The following PDE1A variants were observed in gnomAD, a reference collection of about 807,000 sequenced individuals.
PDE1A encodes the protein dual specificity calcium/calmodulin-dependent 3',5'-cyclic nucleotide phosphodiesterase 1A.
A neutral mutation model predicts 61.7 loss-of-function variants in PDE1A; 35 were observed. The ratio of observed to expected loss-of-function variants is 0.57; its 90% CI spans 0.43 to 0.75. The LOEUF is 0.75. PDE1A is among the 30% of genes least tolerant of loss of function. The pLI is 0.00. For synonymous variants in PDE1A, 232 were observed against 213.2 expected (o/e 1.09, Z -0.77); for missense variants, 597 against 630.6 (o/e 0.95, Z 0.57).
At chr2:182,194,486 A>C (rs1184675679) in intron 10 of PDE1A, among the ~76,000 whole-genome samples, 3 of 152,078 alleles carry the variant, frequency 2.0e-5, no homozygotes. Context: ...AAACTCGAGG[A>C]GACATTAATT....
the PDE1A span, among the ~76,000 whole-genome samples, chr2:182,683,782 CAGCATCTAT>C: frequency 1.3e-5 from 2 of 152,142 alleles, no homozygotes; most frequent in African/African-American, 2.4e-5. Flanking sequence ...AATATGATAA[CAGCATCTAT>C]TGGTAAGGCT....
intron 1 of PDE1A, among the ~76,000 whole-genome samples, chr2:182,286,286 C>T (rs1312991468): frequency 6.6e-6 from 1 of 152,112 alleles, no homozygotes; most frequent in Non-Finnish European, 1.5e-5. Flanking sequence ...AAACGAGCAA[C>T]TTAGGGGTCC....
chr2:182,635,950 T>TTG, the PDE1A span, among the ~76,000 whole-genome samples: 3 of 68,792 alleles, frequency 4.4e-5, no homozygotes, highest in African/African-American at 1.4e-4. Context: ...CACCGGTATT[T>TTG]TTTTTTTTTT....
At chr2:182,690,210 T>G in the PDE1A span, among the ~76,000 whole-genome samples, 1 of 152,178 alleles carries the variant, frequency 6.6e-6, no homozygotes, top group Non-Finnish European at 1.5e-5. Context: ...TACCAAAGCC[T>G]GGCAGAGACA....
intron 2 of PDE1A, among the ~76,000 whole-genome samples, chr2:182,497,209 G>A (rs1413417632): frequency 2.6e-5 from 4 of 152,126 alleles, no homozygotes; most frequent in African/African-American, 9.7e-5. Flanking sequence ...TCCCTCAAAA[G>A]GACAGTGTGA....
chr2:182,225,530 G>A (rs554496351), intron 6 of PDE1A, among the ~76,000 whole-genome samples: 2 of 152,014 alleles, frequency 1.3e-5, no homozygotes, highest in South Asian at 4.1e-4. Context: ...ATTAAAAAGA[G>A]GCAACAGTGG....
At chr2:182,594,113 T>C in the PDE1A span, among the ~76,000 whole-genome samples, 2 of 152,182 alleles carry the variant, frequency 1.3e-5, no homozygotes, top group Non-Finnish European at 2.9e-5. Flanking sequence ...AATAATAAGG[T>C]GAGATTAATT....
chr2:182,404,931 C>G (rs1396601096), intron 1 of PDE1A, among the ~76,000 whole-genome samples: 1 of 152,156 alleles, frequency 6.6e-6, no homozygotes, highest in African/African-American at 2.4e-5. Context: ...TATAGCATAA[C>G]AGTACATATA....
At chr2:182,346,699 G>C (rs909001410) in intron 1 of PDE1A, among the ~76,000 whole-genome samples, 1 of 152,092 alleles carries the variant, frequency 6.6e-6, no homozygotes, top group Non-Finnish European at 1.5e-5. Flanking sequence ...TTTTAGAGAT[G>C]AATCTATGCA....
chr2:182,613,345 G>A, the PDE1A span, among the ~76,000 whole-genome samples: 4 of 152,254 alleles, frequency 2.6e-5, no homozygotes, highest in South Asian at 4.1e-4. Context: ...AGTGGATCAC[G>A]AGGTCAGGAG....
At chr2:182,160,184 C>T (rs1691302932) in intron 13 of PDE1A, among the ~76,000 whole-genome samples, 1 of 152,086 alleles carries the variant, frequency 6.6e-6, no homozygotes, top group Non-Finnish European at 1.5e-5. Flanking sequence ...GTCCTGGATC[C>T]TAACTGTATA....
At chr2:182,332,471 T>G (rs1292026026) in intron 1 of PDE1A, among the ~76,000 whole-genome samples, 1 of 152,192 alleles carries the variant, frequency 6.6e-6, no homozygotes, top group African/African-American at 2.4e-5. Flanking sequence ...TGCACTGGTT[T>G]TTCCTCATCT....
chr2:182,300,757 G>C (rs1299757209), intron 1 of PDE1A, among the ~76,000 whole-genome samples: 2 of 152,188 alleles, frequency 1.3e-5, no homozygotes, highest in African/African-American at 2.4e-5. Context: ...CAAATGGATA[G>C]AATTACACGT....
At chr2:182,266,531 T>C (rs1006872938) in intron 1 of PDE1A, among the ~76,000 whole-genome samples, 5 of 152,166 alleles carry the variant, frequency 3.3e-5, no homozygotes, top group African/African-American at 1.2e-4. Flanking sequence ...TTAAAAACAA[T>C]AGTACTTCAA....
chr2:182,681,865 C>G, the PDE1A span, among the ~76,000 whole-genome samples: 1 of 152,060 alleles, frequency 6.6e-6, no homozygotes, highest in Non-Finnish European at 1.5e-5. Context: ...CCAGGATGGT[C>G]TCCATCTCCT....
intron 2 of PDE1A, among the ~76,000 whole-genome samples, chr2:182,487,921 G>C (rs1216209504): frequency 6.6e-6 from 1 of 152,114 alleles, no homozygotes; most frequent in East Asian, 1.9e-4. Flanking sequence ...ATGTTCAAAA[G>C]GGGTTCATTA....
the PDE1A span, among the ~76,000 whole-genome samples, chr2:182,607,849 A>C: frequency 2.0e-5 from 3 of 152,178 alleles, no homozygotes; most frequent in Non-Finnish European, 4.4e-5. Flanking sequence ...AGTGGGAGTG[A>C]ATAAAGGGAG....
chr2:182,299,700 T>A (rs910928989), intron 1 of PDE1A, among the ~76,000 whole-genome samples: 7 of 152,038 alleles, frequency 4.6e-5, no homozygotes, highest in African/African-American at 1.7e-4. Flanking sequence ...ATATACAGTA[T>A]ACAACTGCTG....
At chr2:182,172,803 C>T (rs1436935636) in intron 13 of PDE1A, among the ~76,000 whole-genome samples, 1 of 151,926 alleles carries the variant, frequency 6.6e-6, no homozygotes, top group Non-Finnish European at 1.5e-5. Context: ...GAAGAGCATT[C>T]TATGAGGAGG....
Sources: gnomAD v4.1 joint callset for allele counts (sites outside exome capture counted in the v4.1 genomes callset) on GRCh38, gnomAD v4.1.1 for gene constraint, MANE v1.5 for transcripts, NCBI Gene and HGNC (gene_info 2026-07-23, HGNC 2026-07-21) for gene names.